WDR18: variants seen among roughly 807,000 people sequenced by gnomAD.
WDR18 encodes WD repeat-containing protein 18.
A neutral mutation model predicts 49.6 loss-of-function variants in WDR18; 33 were observed. The observed-to-expected ratio is 0.67, with a 90% confidence interval of 0.50 to 0.89. The LOEUF is 0.89. WDR18 is among the 40% of genes least tolerant of loss of function. WDR18 has a pLI of 0.00. For missense variants in WDR18, 653 were observed against 593.6 expected (o/e 1.10, Z -1.04); for synonymous variants, 315 against 263.6 (o/e 1.19, Z -1.89).
chr19:983,195 C>A (rs2038436068), upstream of WDR18, among the ~76,000 whole-genome samples: 1 of 152,182 alleles, frequency 6.6e-6, no homozygotes, highest in African/African-American at 2.4e-5. Flanking sequence ...GTAATCCCAG[C>A]GGTTTAAGAG....
At chr19:987,074 G>A (rs1232512432) in intron 2 of WDR18, among the ~76,000 whole-genome samples, 2 of 152,230 alleles carry the variant, frequency 1.3e-5, no homozygotes, top group African/African-American at 4.8e-5. Flanking sequence ...TGGGCATGGC[G>A]GCTCATGCCT....
chr19:992,313 G>A (rs1197080584), intron 8 of WDR18, among the ~76,000 whole-genome samples, 192 bp downstream of exon 8: 1 of 152,220 alleles, frequency 6.6e-6, no homozygotes, highest in East Asian at 1.9e-4. Flanking sequence ...TGGACCCAGA[G>A]GCTCTGAGAA....
At chr19:984,234 C>A (rs561975196), upstream of WDR18, 5 of 1,052,392 alleles carry the variant, frequency 4.8e-6, no homozygotes, top group South Asian at 5.6e-5. Flanking sequence ...CTCCGAGGCA[C>A]GGGCGCATGC....
chr19:993,171 C>T (rs935967353), intron 8 of WDR18, among the ~76,000 whole-genome samples: 4 of 152,232 alleles, frequency 2.6e-5, no homozygotes, highest in Admixed American at 2.0e-4. Context: ...CAAGGAGGGG[C>T]GAGCTTTTTG....
At chr19:992,377 C>T (rs1193111377) in intron 8 of WDR18, among the ~76,000 whole-genome samples, 1 of 152,248 alleles carries the variant, frequency 6.6e-6, no homozygotes, top group African/African-American at 2.4e-5. Flanking sequence ...GCCCCACACA[C>T]CAGCCTTCCT....
At chr19:984,683 T>C (rs1303310128) in intron 1 of WDR18, 120 bp downstream of exon 1, 1 of 1,089,050 alleles carries the variant, frequency 9.2e-7, no homozygotes, top group Non-Finnish European at 1.2e-6. Context: ...GGAGGTGGTC[T>C]CCGTTCGGGC....
chr19:989,755 C>G lies in WDR18; in HGVS notation c.322-7C>G, dbSNP rs2145508668. On this transcript the variant is annotated splice_polypyrimidine_tract_variant and splice_region_variant and intron_variant, in intron 2 of 9. Coordinates refer to ENST00000585809, the MANE Select transcript of WDR18 (RefSeq NM_024100.4). Reference sequence around the variant, plus strand: ...CCCCTGACCTGGATACCCTCTGCCCCTCACAGGTCTCCACCGGGAACCTTC... The same window carrying G: ...CCCCTGACCTGGATACCCTCTGCCCGTCACAGGTCTCCACCGGGAACCTTC... 2 of 1,612,602 alleles carry G rather than the reference C, an allele frequency of 1.2e-6. No individual in the cohort carries two copies. The highest frequency in any genetic ancestry group is 1.7e-6 in the Non-Finnish European group (2 of 1,179,872).
rs1599443596 is a variant in WDR18 at position 985,761 on chromosome 19, C to A, written c.211-104C>A. ...CTGCTCCCGACTCCTCTTCCTGGTT[C>A]TCTGACTTAGCCATTGCCCAGGCGT... On this transcript the variant is annotated intron_variant, in intron 1 of 9. Coordinates refer to ENST00000585809, the MANE Select transcript of WDR18 (RefSeq NM_024100.4). The A allele has an allele frequency of 9.7e-6, 10 of 1,028,798 alleles. No individual in the cohort carries two copies. The East Asian group carries it at 2.2e-4, about 22-fold the overall frequency. The allele number at this position is 1,028,798 out of a possible 1,614,324, so 63.7% of individuals were successfully genotyped here.
Position 990,292 on chromosome 19 carries a change from C to T in WDR18, c.525C>T (p.Ile175=). ...TCTGGTCTCACCACGCGCTCCCCAT[C>T]ACGGACCTGCACTGCGGCTTTGGGG... The part of the protein sequence containing the change: ...RHVWSHHALP[I]TDLHCGFGGP... Residue 175 remains isoleucine, a synonymous_variant, in exon 4 of 10, where the codon ATC becomes ATT. Transcript: ENST00000585809. The T allele has an allele frequency of 6.3e-7, 1 of 1,598,832 alleles. No homozygotes were observed. Among genetic ancestry groups the T allele is most frequent in the Non-Finnish European group, 8.5e-7 (1 of 1,178,906 alleles).
chr19:986,985 C>T (rs1475490059), intron 2 of WDR18, among the ~76,000 whole-genome samples: 1 of 152,158 alleles, frequency 6.6e-6, no homozygotes, highest in East Asian at 1.9e-4. Context: ...TCCTTGCTTC[C>T]CTCAGTGGGC....
chr19:992,873 T>C (rs939049125), intron 8 of WDR18, among the ~76,000 whole-genome samples: 1 of 152,260 alleles, frequency 6.6e-6, no homozygotes, highest in Non-Finnish European at 1.5e-5. Context: ...CGCTGGGCTC[T>C]GGCGCTTGGC....
intron 2 of WDR18, among the ~76,000 whole-genome samples, chr19:988,019 G>A (rs11666595): frequency 0.45 from 68,176 of 151,226 alleles, 16,085 homozygotes; most frequent in Non-Finnish European, 0.53. Context: ...TATTAGAGAC[G>A]GAGTTTTGCC....
At chr19:992,503 G>A (rs988218649) in intron 8 of WDR18, among the ~76,000 whole-genome samples, 5 of 152,224 alleles carry the variant, frequency 3.3e-5, no homozygotes, top group Admixed American at 1.3e-4. Flanking sequence ...AGGAGCAGCC[G>A]TGAGGGCAGG....
rs1355475584 is a variant in WDR18, at chr19:990,378, A to T, written c.597+14A>T. On this transcript the variant is annotated intron_variant, in intron 4 of 9. Coordinates refer to ENST00000585809, the MANE Select transcript of WDR18 (RefSeq NM_024100.4). ...CAGACGGTGAAGGTACGCCGCCCCC[A>T]CCCCACCACGGTCCATGAGCGGAGC... 1 of 1,523,576 alleles carries T rather than the reference A, an allele frequency of 6.6e-7. No individual in the cohort carries two copies. The highest frequency in any genetic ancestry group is 1.4e-5 in the African/African-American group (1 of 72,020). The allele number at this position is 1,523,576 out of a possible 1,614,324, so 94.4% of individuals were successfully genotyped here. A position where few individuals can be genotyped will look rare whatever the true frequency, so the allele number is the denominator to read the frequency against.
chr19:987,518 G>T (rs1423223786), intron 2 of WDR18, among the ~76,000 whole-genome samples: 1 of 152,174 alleles, frequency 6.6e-6, no homozygotes, highest in Non-Finnish European at 1.5e-5. Context: ...CCAGGTAGCT[G>T]GGATTATAGG....
intron 2 of WDR18, 128 bp from the exon 3 acceptor site, chr19:989,634 T>TG: frequency 7.3e-7 from 1 of 1,375,078 alleles, no homozygotes; most frequent in East Asian, 2.4e-5. Flanking sequence ...CCCGCAGTCC[T>TG]GGGGCAGGGC....
chr19:994,179 C>T, intron 9 of WDR18, 34 bp from the exon 10 acceptor site: 1 of 1,575,414 alleles, frequency 6.3e-7, no homozygotes, highest in Non-Finnish European at 8.6e-7. Context: ...CACCCCAGGC[C>T]ACTTCTGCCC....
chr19:991,295 C>G lies in WDR18; in HGVS notation c.875C>G (p.Thr292Ser). The change falls in exon 7 of 10, where the codon ACC (threonine) becomes AGC (serine). Residue 292 changes from threonine to serine, a missense_variant. Coordinates refer to ENST00000585809, the MANE Select transcript of WDR18 (RefSeq NM_024100.4). Reference protein sequence around the residue: ...SVLLSGSHDETVRLWDVQSKQ... With the variant: ...SVLLSGSHDESVRLWDVQSKQ... ...CTGCTCTCAGGCTCCCACGACGAGA[C>G]CGTGCGCCTCTGGGACGTGCAGAGC... is the stretch of plus-strand genomic sequence containing the variant. The G allele has an allele frequency of 6.4e-7, 1 of 1,563,130 alleles. No homozygotes were observed. Among genetic ancestry groups the G allele is most frequent in the Non-Finnish European group, 8.7e-7 (1 of 1,153,416 alleles).
Position 989,199 on chromosome 19 carries a change from C to A in WDR18, c.322-563C>A, listed in dbSNP as rs1471673213. The stretch of plus-strand genomic sequence containing the variant: ...CTCAGTCCTCGAACCCACAACCCCC[C>A]CCAGAGCATCTCAGCCCTCGAACCC... On this transcript the variant is annotated intron_variant, in intron 2 of 9. Coordinates refer to ENST00000585809, the MANE Select transcript of WDR18 (RefSeq NM_024100.4). Among the ~76,000 whole-genome samples, 80 of 132,566 alleles carry A rather than the reference C, an allele frequency of 6.0e-4. 1 individual carries two copies. The highest frequency in any genetic ancestry group is 1.6e-3 in the Admixed American group (22 of 13,648). The allele number at this position is 132,566 out of a possible 152,430, so 87.0% of individuals were successfully genotyped here.
Sources: allele counts gnomAD v4.1 joint callset (sites outside exome capture counted in the v4.1 genomes callset), GRCh38; gene constraint gnomAD v4.1.1; transcripts MANE v1.5; gene names NCBI Gene and HGNC (gene_info 2026-07-23, HGNC 2026-07-21).